The following TRPS1 variants were observed in gnomAD, a reference collection of about 807,000 sequenced individuals.
The protein encoded by TRPS1 is zinc finger transcription factor Trps1.
Under a neutral mutation model 101.2 loss-of-function variants are expected in TRPS1, and 6 were observed. The ratio of observed to expected loss-of-function variants is 0.06; its 90% confidence interval spans 0.03 to 0.12. The LOEUF is 0.12. Among genes scored for constraint, TRPS1 ranks in the 10% least tolerant of loss-of-function variants. The pLI is 1.00. For missense variants in TRPS1, 1,363 were observed against 1,567.0 expected (o/e 0.87, Z 2.20); for synonymous variants, 578 against 589.8 (o/e 0.98, Z 0.29).
At chr8:115,496,685 C>G (rs1401266744) in intron 5 of TRPS1, among the ~76,000 whole-genome samples, 1 of 152,070 alleles carries the variant, frequency 6.6e-6, no homozygotes, top group East Asian at 1.9e-4. Context: ...GTGTGAATTT[C>G]TAAATGTTAT....
At chr8:115,544,212 A>T (rs1305344914) in intron 5 of TRPS1, among the ~76,000 whole-genome samples, 1 of 150,706 alleles carries the variant, frequency 6.6e-6, no homozygotes, top group African/African-American at 2.4e-5. Context: ...ATCACTAAGT[A>T]GCCTAATTTA....
chr8:115,534,390 G>A (rs1026114349), intron 5 of TRPS1, among the ~76,000 whole-genome samples: 25 of 124,478 alleles, frequency 2.0e-4, no homozygotes, highest in Admixed American at 1.4e-3. Flanking sequence ...CTCTAACCCC[G>A]ATACCATCAC....
intron 1 of TRPS1, among the ~76,000 whole-genome samples, chr8:115,626,981 T>C (rs1356349219): frequency 1.3e-5 from 2 of 151,750 alleles, no homozygotes; most frequent in Non-Finnish European, 3.0e-5. Flanking sequence ...TCCAAATACA[T>C]GTTAAAGAAA....
At chr8:115,443,517 T>A (rs1247462522) in intron 5 of TRPS1, among the ~76,000 whole-genome samples, 1 of 152,284 alleles carries the variant, frequency 6.6e-6, no homozygotes, top group Admixed American at 6.5e-5. Context: ...CCTTTGATAT[T>A]AATTATCCTA....
chr8:115,488,258 C>T (rs1377048103), intron 5 of TRPS1, among the ~76,000 whole-genome samples: 4 of 152,176 alleles, frequency 2.6e-5, no homozygotes, highest in African/African-American at 9.7e-5. Context: ...TAGTACACTA[C>T]AGTATAATGT....
At chr8:115,540,368 G>A (rs1337914476) in intron 5 of TRPS1, among the ~76,000 whole-genome samples, 2 of 152,154 alleles carry the variant, frequency 1.3e-5, no homozygotes, top group Non-Finnish European at 2.9e-5. Context: ...ATGGATGACT[G>A]GTGGTTGGTT....
In TRPS1 at chr8:115,580,339, G is replaced by A. The variant is rs912386407; in HGVS notation, c.2700+6662C>T. Among the ~76,000 whole-genome samples the A allele has an allele frequency of 6.7e-4, 101 of 151,360 alleles. 1 individual carries two copies. Among genetic ancestry groups the A allele is most frequent in the Non-Finnish European group, 3.1e-4 (21 of 67,868 alleles). ...CCCCAAAAATCCAAAATAAAACCTCGTTGTGGCATTTTAGGTATTAATGTG... is the reference window on the plus strand; with the variant it reads ...CCCCAAAAATCCAAAATAAAACCTCATTGTGGCATTTTAGGTATTAATGTG... On this transcript the variant is annotated intron_variant, in intron 5 of 6. Coordinates refer to ENST00000395715, the MANE Select transcript of TRPS1 (RefSeq NM_014112.5).
intron 5 of TRPS1, among the ~76,000 whole-genome samples, chr8:115,465,568 A>G (rs1431177788): frequency 6.6e-6 from 1 of 152,094 alleles, no homozygotes; most frequent in East Asian, 1.9e-4. Flanking sequence ...ATTCTCTTAA[A>G]TACACCCATT....
chr8:115,643,081 G>A (rs1818940589), intron 1 of TRPS1, among the ~76,000 whole-genome samples: 1 of 152,074 alleles, frequency 6.6e-6, no homozygotes, highest in African/African-American at 2.4e-5. Flanking sequence ...AATACACTTA[G>A]TTAAAAACAT....
At chr8:115,449,142 C>T (rs1322092681) in intron 5 of TRPS1, among the ~76,000 whole-genome samples, 1 of 152,058 alleles carries the variant, frequency 6.6e-6, no homozygotes, top group Non-Finnish European at 1.5e-5. Flanking sequence ...CTAATTTCCT[C>T]TGTTATAAAG....
At chr8:115,575,209 A>C (rs1274926833) in intron 5 of TRPS1, among the ~76,000 whole-genome samples, 4 of 152,174 alleles carry the variant, frequency 2.6e-5, no homozygotes, top group African/African-American at 9.6e-5. Context: ...ATAAATGTCC[A>C]ACAATAAGAA....
At chr8:115,427,692 A>C (rs1813220180) in intron 5 of TRPS1, among the ~76,000 whole-genome samples, 1 of 152,146 alleles carries the variant, frequency 6.6e-6, no homozygotes, top group Non-Finnish European at 1.5e-5. Flanking sequence ...TTATCTCTTC[A>C]AACCACCCAA....
At chr8:115,552,865 C>T (rs1469434048) in intron 5 of TRPS1, among the ~76,000 whole-genome samples, 1 of 152,004 alleles carries the variant, frequency 6.6e-6, no homozygotes, top group Admixed American at 6.6e-5. Flanking sequence ...AGCCCTCTTA[C>T]CTTCAAACTT....
intron 5 of TRPS1, among the ~76,000 whole-genome samples, chr8:115,439,546 T>C (rs1813538023): frequency 6.6e-6 from 1 of 152,212 alleles, no homozygotes; most frequent in African/African-American, 2.4e-5. Flanking sequence ...TTTATTTTAA[T>C]AGTGAAAAAG....
At chr8:115,606,090 CCTT>C (rs1296135391) in intron 3 of TRPS1, among the ~76,000 whole-genome samples, 3 of 152,156 alleles carry the variant, frequency 2.0e-5, no homozygotes, top group Non-Finnish European at 2.9e-5. Flanking sequence ...TCATCTTCTG[CCTT>C]CTTCAACAGC....
At chr8:115,599,517 G>T (rs1418793951) in intron 4 of TRPS1, among the ~76,000 whole-genome samples, 1 of 151,946 alleles carries the variant, frequency 6.6e-6, no homozygotes. Context: ...CAAGCCCAGT[G>T]TGTGATGTCC....
intron 4 of TRPS1, among the ~76,000 whole-genome samples, chr8:115,602,148 C>T (rs940655945): frequency 4.0e-5 from 6 of 150,874 alleles, no homozygotes; most frequent in Admixed American, 6.6e-5. Flanking sequence ...AGTGCGTGTG[C>T]GTGTGTGTGT....
At chr8:115,450,448 T>C (rs959839897) in intron 5 of TRPS1, among the ~76,000 whole-genome samples, 4 of 152,104 alleles carry the variant, frequency 2.6e-5, no homozygotes, top group African/African-American at 9.7e-5. Context: ...AAAAATTAGA[T>C]AATACAATAA....
intron 1 of TRPS1, 82 bp downstream of exon 1, chr8:115,668,463 G>A (rs1465128331): frequency 1.4e-5 from 2 of 140,428 alleles, no homozygotes; most frequent in East Asian, 2.2e-4. Flanking sequence ...GCGGCGCCCC[G>A]GGCCCGGCCG....
Sources: allele counts gnomAD v4.1 joint callset (sites outside exome capture counted in the v4.1 genomes callset), GRCh38; gene constraint gnomAD v4.1.1; transcripts MANE v1.5; gene names NCBI Gene and HGNC (gene_info 2026-07-23, HGNC 2026-07-21).